FSIP1: variants seen among roughly 807,000 people sequenced by gnomAD.
FSIP1 encodes the protein fibrous sheath interacting protein 1, also known as fibrous sheath-interacting protein 1.
A neutral mutation model predicts 60.9 loss-of-function variants in FSIP1; 65 were observed. The ratio of observed to expected loss-of-function variants is 1.07; its 90% CI spans 0.87 to 1.31. The LOEUF is 1.31. FSIP1 is among the 40% of genes most tolerant of loss of function. The probability of loss-of-function intolerance (pLI) is 0.00; values close to 1 mark genes in which losing one functional copy is unlikely to be tolerated. For synonymous variants in FSIP1, 209 were observed against 221.2 expected, an observed-to-expected ratio of 0.94 and a Z score of 0.49; for missense variants, 675 against 665.5, an observed-to-expected ratio of 1.01 and a Z score of -0.16.
At chr15:39,678,412 A>AC (rs1210784809) in intron 10 of FSIP1, among the ~76,000 whole-genome samples, 1 of 152,172 alleles carries the variant, frequency 6.6e-6, no homozygotes, top group Non-Finnish European at 1.5e-5. Context: ...TGGTTTAACC[A>AC]CCACAAGAGC....
chr15:39,646,520 C>CAAAAAAAAAAAAAAAA (rs71132108), intron 10 of FSIP1, among the ~76,000 whole-genome samples: 1 of 27,116 alleles, frequency 3.7e-5, no homozygotes, highest in Non-Finnish European at 7.8e-5. Context: ...CTCATCTCTA[C>CAAAAAAAAAAAAAAAA]AAAAAAAAAA....
intron 8 of FSIP1, 36 bp downstream of exon 8, chr15:39,738,055 T>A (rs768038097): frequency 8.9e-7 from 1 of 1,124,612 alleles, no homozygotes; most frequent in Non-Finnish European, 1.3e-6. Context: ...AAATCTAAAT[T>A]AAGAAGTGTA....
intron 10 of FSIP1, among the ~76,000 whole-genome samples, chr15:39,706,898 T>C (rs1305902490): frequency 6.6e-6 from 1 of 152,238 alleles, no homozygotes; most frequent in Non-Finnish European, 1.5e-5. Flanking sequence ...ACAGACATCT[T>C]TTCAAGATAC....
At chr15:39,660,106 G>A (rs140296683) in intron 10 of FSIP1, among the ~76,000 whole-genome samples, 170 of 152,298 alleles carry the variant, frequency 1.1e-3, no homozygotes, top group African/African-American at 3.9e-3. Context: ...ATTGAGAGAG[G>A]AAAGAGAGAA....
intron 10 of FSIP1, among the ~76,000 whole-genome samples, chr15:39,706,969 T>C (rs117683072): frequency 0.018 from 2,783 of 152,332 alleles, 33 homozygotes; most frequent in Non-Finnish European, 0.028. Flanking sequence ...CAGTAAGTTA[T>C]GAAACTGGGT....
chr15:39,728,000 G>T (rs996695707), intron 8 of FSIP1, among the ~76,000 whole-genome samples: 1 of 152,050 alleles, frequency 6.6e-6, no homozygotes, highest in Non-Finnish European at 1.5e-5. Context: ...CAACACCCAA[G>T]CTGAGAGCCA....
At chr15:39,626,798 A>C (rs973571152) in intron 10 of FSIP1, among the ~76,000 whole-genome samples, 3 of 152,328 alleles carry the variant, frequency 2.0e-5, no homozygotes, top group Admixed American at 6.5e-5. Flanking sequence ...TAAATTACGT[A>C]GTATTTTTAC....
chr15:39,709,800 A>G (rs1320564786), intron 10 of FSIP1, among the ~76,000 whole-genome samples: 1 of 152,188 alleles, frequency 6.6e-6, no homozygotes, highest in Non-Finnish European at 1.5e-5. Flanking sequence ...ATGAGAATCT[A>G]ATGCCACTGA....
intron 10 of FSIP1, among the ~76,000 whole-genome samples, chr15:39,680,495 A>G (rs1046683330): frequency 1.3e-5 from 2 of 152,204 alleles, no homozygotes; most frequent in African/African-American, 4.8e-5. Flanking sequence ...GATTTGGCCA[A>G]TGGGATGTGA....
intron 8 of FSIP1, among the ~76,000 whole-genome samples, chr15:39,727,655 C>T (rs1896249013): frequency 6.6e-6 from 1 of 152,140 alleles, no homozygotes; most frequent in African/African-American, 2.4e-5. Context: ...GTAGAATTTA[C>T]AGAACCTGGA....
chr15:39,776,666 C>A (rs1898074992), intron 1 of FSIP1, 135 bp from the exon 2 acceptor site: 1 of 742,458 alleles, frequency 1.3e-6, no homozygotes. Flanking sequence ...CTTAAGGGTT[C>A]CCCAGCTTCA....
intron 1 of FSIP1, among the ~76,000 whole-genome samples, chr15:39,782,384 G>A (rs1318048182): frequency 6.6e-6 from 1 of 152,142 alleles, no homozygotes; most frequent in African/African-American, 2.4e-5. Flanking sequence ...TCCAAATCTC[G>A]GGAAAGTAGA....
intron 10 of FSIP1, among the ~76,000 whole-genome samples, chr15:39,634,701 A>T (rs1481256196): frequency 1.3e-5 from 2 of 152,210 alleles, no homozygotes; most frequent in Admixed American, 6.5e-5. Flanking sequence ...CTCAGAACAA[A>T]ATAAAGTATC....
chr15:39,717,945 G>A (rs763229947), intron 9 of FSIP1, among the ~76,000 whole-genome samples: 11 of 152,194 alleles, frequency 7.2e-5, no homozygotes, highest in Non-Finnish European at 1.3e-4. Flanking sequence ...AAGCGCTCAC[G>A]CTGAGGGGGC....
intron 9 of FSIP1, among the ~76,000 whole-genome samples, chr15:39,714,518 C>T (rs888336006): frequency 6.6e-6 from 1 of 150,392 alleles, no homozygotes; most frequent in Non-Finnish European, 1.5e-5. Flanking sequence ...TCCCTAATAC[C>T]TCTCTAATCA....
chr15:39,684,029 A>C (rs914557343), intron 10 of FSIP1, among the ~76,000 whole-genome samples: 2 of 152,230 alleles, frequency 1.3e-5, no homozygotes, highest in African/African-American at 4.8e-5. Flanking sequence ...TTATCTATAA[A>C]TTTATGCAAT....
intron 5 of FSIP1, among the ~76,000 whole-genome samples, chr15:39,760,865 G>A (rs1250952451): frequency 6.6e-6 from 1 of 152,082 alleles, no homozygotes; most frequent in Non-Finnish European, 1.5e-5. Flanking sequence ...CAGGGGGGAA[G>A]GGTATATGGA....
At chr15:39,630,960 T>G (rs927716585) in intron 10 of FSIP1, among the ~76,000 whole-genome samples, 2 of 152,142 alleles carry the variant, frequency 1.3e-5, no homozygotes, top group African/African-American at 4.8e-5. Flanking sequence ...CACCAGTGGG[T>G]GGCGGCTGCC....
intron 10 of FSIP1, among the ~76,000 whole-genome samples, chr15:39,690,977 C>T (rs181168969): frequency 6.6e-6 from 1 of 152,222 alleles, no homozygotes; most frequent in African/African-American, 2.4e-5. Context: ...AACATCAATC[C>T]ATCAGAGAGG....
Sources: gnomAD v4.1 joint callset for allele counts (sites outside exome capture counted in the v4.1 genomes callset) on GRCh38, gnomAD v4.1.1 for gene constraint, MANE v1.5 for transcripts, NCBI Gene and HGNC (gene_info 2026-07-23, HGNC 2026-07-21) for gene names.